KIF6: variants seen among roughly 807,000 people sequenced by gnomAD.
The protein encoded by KIF6 is kinesin-like protein KIF6.
In KIF6, 106 loss-of-function variants were observed where a neutral mutation model predicts 112.7. That is an observed-to-expected ratio of 0.94 (90% CI 0.80 to 1.11). The LOEUF is 1.11. Among genes scored for constraint, KIF6 ranks in the 50% least tolerant of loss-of-function variants. The probability of loss-of-function intolerance (pLI) is 0.00; values close to 1 mark genes in which losing one functional copy is unlikely to be tolerated. For synonymous variants in KIF6, 339 were observed against 339.9 expected (o/e 1.00, Z 0.03); for missense variants, 929 against 964.0 (o/e 0.96, Z 0.48).
intron 3 of KIF6, among the ~76,000 whole-genome samples, chr6:39,710,611 A>G (rs1789492531): frequency 6.6e-6 from 1 of 152,166 alleles, no homozygotes; most frequent in Non-Finnish European, 1.5e-5. Context: ...AGAGGGATAA[A>G]GAAGAATTCA....
At chr6:39,416,878 C>T (rs963069809) in intron 15 of KIF6, among the ~76,000 whole-genome samples, 1 of 152,126 alleles carries the variant, frequency 6.6e-6, no homozygotes, top group Admixed American at 6.5e-5. Flanking sequence ...TCTCTGCAGG[C>T]CAATTACGTG....
chr6:39,492,295 T>C (rs1775523512), intron 13 of KIF6, among the ~76,000 whole-genome samples: 1 of 152,192 alleles, frequency 6.6e-6, no homozygotes, highest in African/African-American at 2.4e-5. Flanking sequence ...ATGGATTTTG[T>C]CTAATGGAGT....
chr6:39,409,978 G>C (rs192660133), intron 15 of KIF6, among the ~76,000 whole-genome samples: 1 of 152,330 alleles, frequency 6.6e-6, no homozygotes, highest in African/African-American at 2.4e-5. Flanking sequence ...TCTTAGAAGT[G>C]AAACAACAAA....
intron 13 of KIF6, among the ~76,000 whole-genome samples, chr6:39,457,277 A>C (rs1773185118): frequency 1.3e-5 from 2 of 150,404 alleles, no homozygotes; most frequent in Admixed American, 6.6e-5. Flanking sequence ...ACTACTGGGT[A>C]CATAACGAAA....
chr6:39,682,535 G>A (rs1322745794), intron 3 of KIF6, among the ~76,000 whole-genome samples: 2 of 152,188 alleles, frequency 1.3e-5, no homozygotes, highest in East Asian at 1.9e-4. Flanking sequence ...ATCGAACTAT[G>A]AAGAGAATGC....
chr6:39,567,937 G>A (rs572211005), intron 10 of KIF6, among the ~76,000 whole-genome samples: 1 of 152,190 alleles, frequency 6.6e-6, no homozygotes, highest in Admixed American at 6.5e-5. Context: ...TATCAACAGA[G>A]GCTGGTCCTG....
chr6:39,615,391 C>T (rs962810173), intron 5 of KIF6, among the ~76,000 whole-genome samples: 4 of 152,140 alleles, frequency 2.6e-5, no homozygotes, highest in African/African-American at 9.7e-5. Context: ...GGTGCATACA[C>T]TCATTGGGCA....
intron 5 of KIF6, among the ~76,000 whole-genome samples, chr6:39,614,250 T>C (rs551056032): frequency 1.3e-5 from 2 of 152,298 alleles, no homozygotes; most frequent in East Asian, 3.9e-4. Context: ...TTCTTAAGAA[T>C]TGTTAAGGAA....
chr6:39,344,192 T>C (rs563046141), intron 21 of KIF6, among the ~76,000 whole-genome samples: 2 of 152,220 alleles, frequency 1.3e-5, no homozygotes, highest in African/African-American at 2.4e-5. Context: ...TGAGATCTGA[T>C]GTTTTCATAC....
chr6:39,540,918 A>T (rs754835689), intron 12 of KIF6, among the ~76,000 whole-genome samples: 1 of 151,794 alleles, frequency 6.6e-6, no homozygotes, highest in Non-Finnish European at 1.5e-5. Context: ...GGATAAAACC[A>T]CTCCCCTCTA....
At chr6:39,575,077 G>A (rs1292313027) in intron 10 of KIF6, among the ~76,000 whole-genome samples, 1 of 152,064 alleles carries the variant, frequency 6.6e-6, no homozygotes, top group Non-Finnish European at 1.5e-5. Flanking sequence ...TTTGGGTAAT[G>A]TTTAGTTCTA....
chr6:39,479,865 T>C (rs747345669), intron 13 of KIF6, among the ~76,000 whole-genome samples: 2 of 152,226 alleles, frequency 1.3e-5, no homozygotes, highest in Non-Finnish European at 2.9e-5. Context: ...TCACTGCTGG[T>C]GTATAGCTGA....
At chr6:39,454,536 A>C (rs10947812) in intron 13 of KIF6, among the ~76,000 whole-genome samples, 8,260 of 147,804 alleles carry the variant, frequency 0.056, 341 homozygotes, top group East Asian at 0.23. Context: ...AGCATCAAAA[A>C]AAAAAAAAAA....
At chr6:39,523,697 T>TATATATATATATA (rs1777537590) in intron 13 of KIF6, among the ~76,000 whole-genome samples, 1 of 100,942 alleles carries the variant, frequency 9.9e-6, no homozygotes, top group Non-Finnish European at 1.9e-5. Context: ...TATATATATA[T>TATATATATATATA]GATTACTCTT....
chr6:39,639,188 G>C (rs970044699), intron 4 of KIF6, among the ~76,000 whole-genome samples: 3 of 151,980 alleles, frequency 2.0e-5, no homozygotes, highest in African/African-American at 7.2e-5. Flanking sequence ...TTTGTACTTT[G>C]GTAAATTCCT....
intron 15 of KIF6, among the ~76,000 whole-genome samples, chr6:39,390,711 T>G (rs1438357200): frequency 6.6e-6 from 1 of 152,196 alleles, no homozygotes; most frequent in African/African-American, 2.4e-5. Context: ...AAACATCAGT[T>G]GTAGAACTGG....
chr6:39,692,982 T>C (rs1788313672), intron 3 of KIF6, among the ~76,000 whole-genome samples: 1 of 152,240 alleles, frequency 6.6e-6, no homozygotes, highest in African/African-American at 2.4e-5. Context: ...AACTCTCACC[T>C]ATCAATTCCC....
At chr6:39,470,905 C>T (rs1562245080) in intron 13 of KIF6, among the ~76,000 whole-genome samples, 1 of 152,106 alleles carries the variant, frequency 6.6e-6, no homozygotes, top group East Asian at 1.9e-4. Flanking sequence ...TCAGGTTTTT[C>T]CTTTAATGGA....
chr6:39,566,385 A>T (rs1780278444), intron 10 of KIF6, among the ~76,000 whole-genome samples: 1 of 152,186 alleles, frequency 6.6e-6, no homozygotes, highest in Non-Finnish European at 1.5e-5. Flanking sequence ...TTACTTTTGA[A>T]TTTCCAAATA....
Sources: allele counts gnomAD v4.1 joint callset (sites outside exome capture counted in the v4.1 genomes callset), GRCh38; gene constraint gnomAD v4.1.1; transcripts MANE v1.5; gene names NCBI Gene and HGNC (gene_info 2026-07-23, HGNC 2026-07-21).